C14orf39: variants seen among roughly 807,000 people sequenced by gnomAD.
C14orf39 encodes the protein chromosome 14 open reading frame 39.
A neutral mutation model predicts 85.6 loss-of-function variants in C14orf39; 66 were observed. That is an observed-to-expected ratio of 0.77 (90% CI 0.63 to 0.95). The LOEUF is 0.95. C14orf39 is among the 40% of genes least tolerant of loss of function. The pLI, the probability that C14orf39 is intolerant of heterozygous loss-of-function variation, is 0.00. For synonymous variants in C14orf39, 242 were observed against 214.0 expected, an observed-to-expected ratio of 1.13 and a Z score of -1.14; for missense variants, 735 against 663.9, an observed-to-expected ratio of 1.11 and a Z score of -1.18.
Position 60,494,196 on chromosome 14 carries a change from T to C in C14orf39, c.-9+5100A>G, listed in dbSNP as rs150472522. On this transcript the variant is annotated intron_variant, in intron 2 of 5. Transcript: ENST00000556799. ...TCTTTCCATTCATATCTAACATCCA[T>C]GGTGAACAAAAACAAGAACATCCAT... 1.8e-3 allele frequency: 454 copies of C among 259,068 alleles called. 3 individuals are homozygous for C. The highest frequency in any genetic ancestry group is 2.7e-3 in the Non-Finnish European group (337 of 126,148). The allele number at this position is 259,068 out of a possible 1,614,324, so 16.0% of individuals were successfully genotyped here.
chr14:60,451,534 A>C (rs1242568820), intron 16 of C14orf39, among the ~76,000 whole-genome samples: 1 of 152,090 alleles, frequency 6.6e-6, no homozygotes, highest in East Asian at 1.9e-4. Context: ...CATGTCCTTT[A>C]TAGGGACATG....
At chr14:60,503,686 T>C (rs1354068747) in intron 1 of C14orf39, among the ~76,000 whole-genome samples, 1 of 152,194 alleles carries the variant, frequency 6.6e-6, no homozygotes, top group African/African-American at 2.4e-5. Context: ...CCTAACAAGA[T>C]AGAAGCAACC....
At position 60,466,977 on chromosome 14, in the gene C14orf39, A is replaced by T; in HGVS notation, c.835T>A (p.Tyr279Asn). ...KTQSSQLFLP[Y>N]ESQKLVRPIK... ...GGTCTTACTAATTTCTGAGATTCAT[A>T]AGGAAGAAATAATTGACTGCTTTGA... Residue 279 changes from tyrosine (Y) to asparagine (N), a missense_variant, in exon 10 of 18, where the codon TAT (tyrosine) becomes AAT (asparagine). Transcript: ENST00000321731. 6.8e-7 allele frequency: 1 copy of T among 1,465,858 alleles called. No individual in the cohort carries two copies. Among genetic ancestry groups the T allele is most frequent in the Non-Finnish European group, 9.0e-7 (1 of 1,105,052 alleles). The allele number at this position is 1,465,858 out of a possible 1,614,324, so 90.8% of individuals were successfully genotyped here.
At chr14:60,470,406 T>C (rs977419551) in intron 7 of C14orf39, among the ~76,000 whole-genome samples, 5 of 151,952 alleles carry the variant, frequency 3.3e-5, no homozygotes, top group African/African-American at 9.7e-5. Flanking sequence ...ATTTATATGC[T>C]AGAATATAAA....
chr14:60,499,680 A>G (rs1893112897), intron 1 of C14orf39, among the ~76,000 whole-genome samples: 1 of 152,270 alleles, frequency 6.6e-6, no homozygotes, highest in Admixed American at 6.5e-5. Context: ...GATAGATTCA[A>G]CTATGTAAAA....
chr14:60,475,646 G>A (rs1231231138), intron 5 of C14orf39, among the ~76,000 whole-genome samples: 1 of 152,082 alleles, frequency 6.6e-6, no homozygotes, highest in Non-Finnish European at 1.5e-5. Context: ...ATAGGAGAGT[G>A]GAGTAGTCAT....
intron 1 of C14orf39, among the ~76,000 whole-genome samples, chr14:60,514,344 C>T (rs1160898116): frequency 6.6e-6 from 1 of 152,180 alleles, no homozygotes; most frequent in African/African-American, 2.4e-5. Context: ...GTCACAATTT[C>T]CCAAAAAGCA....
chr14:60,442,052 T>C, intron 17 of C14orf39, 22 bp downstream of exon 17: 4 of 1,580,768 alleles, frequency 2.5e-6, no homozygotes, highest in Non-Finnish European at 3.5e-6. Context: ...TTTTTAAAGG[T>C]AGCAAACTTC....
rs552053675 is a variant in C14orf39, at chr14:60,445,190, G to C, written c.1504-3059C>G. On this transcript the variant is annotated intron_variant, in intron 16 of 17. Coordinates refer to ENST00000321731, the MANE Select transcript of C14orf39 (RefSeq NM_174978.3). ...GGGCAAAATAACCAGCTAACATCAT[G>C]ACAGGATCAAATTCAAACATAACAA... Among the ~76,000 whole-genome samples the C allele has an allele frequency of 2.6e-5, 4 of 151,806 alleles. No individual in the cohort carries two copies. The East Asian group carries it at 7.8e-4, about 29-fold the overall frequency.
rs550463974 is a variant in C14orf39, at chr14:60,483,543, T to A, written c.233+148A>T. ...TATTTCTCTTCTGATCCTCCTATAATCCCTTTACATAGTGGCATAACAAGG... is the reference window on the plus strand; with the variant it reads ...TATTTCTCTTCTGATCCTCCTATAAACCCTTTACATAGTGGCATAACAAGG... On this transcript the variant is annotated intron_variant, in intron 4 of 17. Coordinates refer to ENST00000321731, the MANE Select transcript of C14orf39 (RefSeq NM_174978.3). The A allele has an allele frequency of 8.7e-6, 5 of 572,472 alleles. No individual in the cohort carries two copies. The Admixed American group carries it at 2.0e-4, about 23-fold the overall frequency. The allele number at this position is 572,472 out of a possible 1,614,324, so 35.5% of individuals were successfully genotyped here.
intron 17 of C14orf39, among the ~76,000 whole-genome samples, chr14:60,441,224 C>T (rs1890496123): frequency 6.6e-6 from 1 of 152,066 alleles, no homozygotes; most frequent in Admixed American, 6.6e-5. Context: ...GGCCTTGGGC[C>T]TCATGACTAG....
intron 16 of C14orf39, 40 bp downstream of exon 16, chr14:60,454,961 C>T: frequency 7.0e-7 from 1 of 1,431,642 alleles, no homozygotes; most frequent in Non-Finnish European, 9.2e-7. Context: ...AGTTTCACAG[C>T]AGAATTTTTA....
intron 1 of C14orf39, among the ~76,000 whole-genome samples, chr14:60,506,265 A>C (rs1260979977): frequency 6.6e-6 from 1 of 152,238 alleles, no homozygotes; most frequent in African/African-American, 2.4e-5. Context: ...GGTCAAATGC[A>C]AAAGAAAAAT....
intron 1 of C14orf39, among the ~76,000 whole-genome samples, chr14:60,504,477 G>A (rs934006926): frequency 6.6e-6 from 1 of 152,102 alleles, no homozygotes; most frequent in African/African-American, 2.4e-5. Context: ...AGGATATTTC[G>A]ATCTTAGATT....
chr14:60,507,248 G>T (rs1206503050), intron 1 of C14orf39, among the ~76,000 whole-genome samples: 1 of 152,136 alleles, frequency 6.6e-6, no homozygotes, highest in East Asian at 1.9e-4. Context: ...CTGGCCAGAA[G>T]CTCCGGGATC....
intron 4 of C14orf39, among the ~76,000 whole-genome samples, chr14:60,482,153 C>G (rs1367131733): frequency 6.6e-6 from 1 of 152,182 alleles, no homozygotes; most frequent in African/African-American, 2.4e-5. Context: ...TGACTCTCCT[C>G]AGACCTAGCA....
At position 60,436,180 on chromosome 14, in the gene C14orf39, A is replaced by G. The variant is rs1381532009; in HGVS notation, c.*665T>C. ...GTTCTTCAAAAAATATTTAAGCAAA[A>G]AAGAATATTAACAGGATCACCACTG... On this transcript the variant is annotated 3_prime_UTR_variant, in exon 18 of 18. Transcript: ENST00000321731. 1 of 152,154 alleles carries G rather than the reference A, an allele frequency of 6.6e-6. No homozygotes were observed. The highest frequency in any genetic ancestry group is 1.5e-5 in the Non-Finnish European group (1 of 68,010). 9.4% of individuals were successfully genotyped at this position (152,154 alleles called of 1,614,324 possible).
At position 60,442,055 on chromosome 14, in the gene C14orf39, C is replaced by A. The variant is rs780883150; in HGVS notation, c.1561+19G>T. ...TGAGTTAACATGTTTTTAAAGGTAG[C>A]AAACTTCAAACAACTTACCAATCTC... On this transcript the variant is annotated intron_variant, in intron 17 of 17. Coordinates refer to ENST00000321731, the MANE Select transcript of C14orf39 (RefSeq NM_174978.3). 1.4e-5 allele frequency: 23 copies of A among 1,590,944 alleles called. No individual in the cohort carries two copies. In the East Asian group the frequency reaches 4.9e-4, roughly 34 times the overall value.
At chr14:60,450,479 G>A (rs1890981406) in intron 16 of C14orf39, among the ~76,000 whole-genome samples, 1 of 152,174 alleles carries the variant, frequency 6.6e-6, no homozygotes, top group African/African-American at 2.4e-5. Flanking sequence ...TGTGGTTTGA[G>A]TGCCAGCTTA....
Sources: gnomAD v4.1 joint callset for allele counts (sites outside exome capture counted in the v4.1 genomes callset) on GRCh38, gnomAD v4.1.1 for gene constraint, MANE v1.5 for transcripts, NCBI Gene and HGNC (gene_info 2026-07-23, HGNC 2026-07-21) for gene names.